The following HDX variants were observed in gnomAD, a reference collection of about 807,000 sequenced individuals.
The protein encoded by HDX is chromosome X open reading frame 43.
Under a neutral mutation model 45.2 loss-of-function variants are expected in HDX, and 19 were observed. The ratio of observed to expected loss-of-function variants is 0.42; its 90% CI spans 0.29 to 0.62. The LOEUF (loss-of-function observed/expected upper bound fraction) is 0.62, where lower values mean the gene tolerates loss of function less well. Among genes scored for constraint, HDX ranks in the 20% least tolerant of loss-of-function variants. The probability of loss-of-function intolerance (pLI) is 0.20; values close to 1 mark genes in which losing one functional copy is unlikely to be tolerated. For missense variants in HDX, 532 were observed against 493.9 expected, an observed-to-expected ratio of 1.08 and a Z score of -0.73; for synonymous variants, 188 against 172.8, an observed-to-expected ratio of 1.09 and a Z score of -0.69.
chrX:84,381,435 GC>G (rs2038185288), intron 5 of HDX, among the ~76,000 whole-genome samples: 1 of 110,654 alleles, frequency 9.0e-6, no homozygotes, highest in Non-Finnish European at 1.9e-5. Flanking sequence ...TACATCATCT[GC>G]CTTCAAATTA....
At chrX:84,461,008 T>C (rs1434636670) in intron 4 of HDX, among the ~76,000 whole-genome samples, 12 of 110,836 alleles carry the variant, frequency 1.1e-4, no homozygotes, top group Non-Finnish European at 1.9e-4. Context: ...CTATAAAACA[T>C]TGATAAAAGA....
intron 6 of HDX, among the ~76,000 whole-genome samples, chrX:84,358,752 G>T (rs1043946996): frequency 8.9e-6 from 1 of 111,761 alleles, no homozygotes; most frequent in African/African-American, 3.3e-5. Context: ...ATAAGAGCTG[G>T]AGTCTCATTA....
At chrX:84,374,224 G>C (rs1160718674) in intron 5 of HDX, among the ~76,000 whole-genome samples, 1 of 110,978 alleles carries the variant, frequency 9.0e-6, no homozygotes, top group Non-Finnish European at 1.9e-5. Flanking sequence ...ACCTCTTCAA[G>C]GAGAACTACA....
At chrX:84,340,688 C>T (rs1486508208) in intron 7 of HDX, among the ~76,000 whole-genome samples, 2 of 110,880 alleles carry the variant, frequency 1.8e-5, no homozygotes, top group African/African-American at 6.5e-5. Flanking sequence ...TAGGACATAA[C>T]TAGTAGGAAA....
chrX:84,439,089 A>G (rs771781889), intron 5 of HDX, among the ~76,000 whole-genome samples: 4 of 110,820 alleles, frequency 3.6e-5, no homozygotes, highest in Non-Finnish European at 5.7e-5. Context: ...CTTTTTAATT[A>G]TTGCTATTCT....
chrX:84,464,342 A>G (rs1291617200), intron 4 of HDX, among the ~76,000 whole-genome samples: 1 of 111,589 alleles, frequency 9.0e-6, no homozygotes, highest in African/African-American at 3.3e-5. Context: ...TTTCATATGG[A>G]ACCAAAAAAG....
intron 9 of HDX, among the ~76,000 whole-genome samples, chrX:84,329,497 T>C (rs2036798007): frequency 8.9e-6 from 1 of 111,846 alleles, no homozygotes; most frequent in South Asian, 3.7e-4. Flanking sequence ...AAAACACATG[T>C]CATTAAAAGA....
rs2036974534 is a variant in HDX at position 84,336,835 on chromosome X, T to G, written c.1706A>C (p.Glu569Ala). Residue 569 changes from glutamate to alanine, a missense_variant, in exon 8 of 11, where the codon GAA becomes GCA. Glu to Ala is a moderately radical substitution (Grantham distance 107). Coordinates refer to ENST00000373177, the MANE Select transcript of HDX (RefSeq NM_001177479.2). ...TGTGGTTACTGCATGGTGGTCCTCTTCCTTATGAGCCCTTGCATCATTCGG... is the reference window on the plus strand; with the variant it reads ...TGTGGTTACTGCATGGTGGTCCTCTGCCTTATGAGCCCTTGCATCATTCGG... ...VVPNDARAHK[E>A]EDHHAVTTDN... The G allele has an allele frequency of 8.4e-7, 1 of 1,189,280 alleles. No individual in the cohort carries two copies. Among genetic ancestry groups the G allele is most frequent in the African/African-American group, 1.8e-5 (1 of 56,544 alleles).
intron 4 of HDX, among the ~76,000 whole-genome samples, chrX:84,463,337 G>A (rs2040279185): frequency 9.0e-6 from 1 of 111,090 alleles, no homozygotes; most frequent in Non-Finnish European, 1.9e-5. Context: ...TAACATTTGA[G>A]TTGGTTTAAA....
At chrX:84,491,471 T>C (rs576102845) in intron 1 of HDX, among the ~76,000 whole-genome samples, 1 of 112,102 alleles carries the variant, frequency 8.9e-6, no homozygotes, top group African/African-American at 3.2e-5. Context: ...ATAATAGCTG[T>C]TTTTTAATTC....
intron 5 of HDX, among the ~76,000 whole-genome samples, chrX:84,385,163 A>AT (rs1488774843): frequency 1.3e-5 from 1 of 75,223 alleles, no homozygotes; most frequent in Non-Finnish European, 2.6e-5. Context: ...TGAGCATGGA[A>AT]TTTTTTCCAT....
At chrX:84,381,341 T>C (rs771542660) in intron 5 of HDX, among the ~76,000 whole-genome samples, 1 of 109,753 alleles carries the variant, frequency 9.1e-6, no homozygotes, top group African/African-American at 3.3e-5. Context: ...ACAGAGAAAA[T>C]AACTATCATA....
At chrX:84,435,521 C>T (rs2039606496) in intron 5 of HDX, among the ~76,000 whole-genome samples, 1 of 109,910 alleles carries the variant, frequency 9.1e-6, no homozygotes, top group South Asian at 3.9e-4. Context: ...TGCCTGTTCA[C>T]TCTGATGGTA....
chrX:84,417,218 G>GAAAGAAAGAA (rs61537095), intron 5 of HDX, among the ~76,000 whole-genome samples: 1 of 100,251 alleles, frequency 1.0e-5, no homozygotes, highest in African/African-American at 3.7e-5. Flanking sequence ...AAAAAAAAGA[G>GAAAGAAAGAA]AGAAAGAAAG....
chrX:84,368,285 C>T (rs1160304557), intron 5 of HDX, among the ~76,000 whole-genome samples: 5 of 111,274 alleles, frequency 4.5e-5, no homozygotes, highest in Admixed American at 1.9e-4. Context: ...TCCTAGTTAC[C>T]GGAACTGTAC....
At chrX:84,346,078 T>C (rs7055773) in intron 6 of HDX, among the ~76,000 whole-genome samples, 5,269 of 111,164 alleles carry the variant, frequency 0.047, 284 homozygotes, top group African/African-American at 0.16. Context: ...TTTATCCTAT[T>C]AGTCTTTTGC....
rs1233272079 is a variant in HDX, at chrX:84,485,008, A to G, written c.-1+3016T>C. Reference sequence around the variant, plus strand: ...TGTCATTCAGTTCAAAATATTTTCCAATTTCTCTTGTTTACTGTTTAATTA... The same window carrying G: ...TGTCATTCAGTTCAAAATATTTTCCGATTTCTCTTGTTTACTGTTTAATTA... On this transcript the variant is annotated intron_variant, in intron 2 of 10. Coordinates refer to ENST00000373177, the MANE Select transcript of HDX (RefSeq NM_001177479.2). Among the ~76,000 whole-genome samples the G allele has an allele frequency of 3.6e-5, 4 of 111,799 alleles. No homozygotes were observed. The East Asian group carries it at 1.1e-3, about 31-fold the overall frequency.
At chrX:84,373,641 G>A (rs1029358636) in intron 5 of HDX, among the ~76,000 whole-genome samples, 10 of 111,118 alleles carry the variant, frequency 9.0e-5, no homozygotes, top group African/African-American at 3.3e-4. Context: ...CATATAAACA[G>A]AACCAAAGAC....
chrX:84,352,427 G>A (rs1189667107), intron 6 of HDX, among the ~76,000 whole-genome samples: 1 of 111,835 alleles, frequency 8.9e-6, no homozygotes, highest in Admixed American at 9.5e-5. Flanking sequence ...TTCTTTCATA[G>A]GAGAAATACT....
Sources: allele counts gnomAD v4.1 joint callset (sites outside exome capture counted in the v4.1 genomes callset), GRCh38; gene constraint gnomAD v4.1.1; transcripts MANE v1.5; gene names NCBI Gene and HGNC (gene_info 2026-07-23, HGNC 2026-07-21).